The following GRIK3 variants were observed in gnomAD, a reference collection of about 807,000 sequenced individuals.
The protein encoded by GRIK3 is glutamate receptor ionotropic, kainate 3.
Under a neutral mutation model 102.5 loss-of-function variants are expected in GRIK3, and 29 were observed. The ratio of observed to expected loss-of-function variants is 0.28; its 90% confidence interval spans 0.21 to 0.39. The LOEUF (loss-of-function observed/expected upper bound fraction) is 0.39. GRIK3 is among the 10% of genes least tolerant of loss of function. The pLI is 1.00. For synonymous variants in GRIK3, 511 were observed against 504.9 expected, an observed-to-expected ratio of 1.01 and a Z score of -0.16; for missense variants, 908 against 1,252.4, an observed-to-expected ratio of 0.73 and a Z score of 4.15.
intron 4 of GRIK3, among the ~76,000 whole-genome samples, chr1:36,871,872 G>A (rs530951298): frequency 2.6e-5 from 4 of 152,234 alleles, no homozygotes; most frequent in South Asian, 2.1e-4. Flanking sequence ...GGTACCTCCC[G>A]GCAGCCTCTG....
chr1:36,906,052 T>C (rs1042495139), intron 1 of GRIK3, among the ~76,000 whole-genome samples: 4 of 152,188 alleles, frequency 2.6e-5, no homozygotes, highest in African/African-American at 7.2e-5. Flanking sequence ...TCTTATCCTA[T>C]ATAAAACAGC....
intron 1 of GRIK3, among the ~76,000 whole-genome samples, chr1:36,977,029 T>C (rs1570840008): frequency 6.6e-6 from 1 of 151,952 alleles, no homozygotes; most frequent in African/African-American, 2.4e-5. Context: ...GCTTGGTCAC[T>C]CCCTCCAGAG....
At chr1:36,824,514 C>T (rs113546742) in intron 11 of GRIK3, among the ~76,000 whole-genome samples, 15 of 152,056 alleles carry the variant, frequency 9.9e-5, no homozygotes, top group Admixed American at 2.6e-4. Flanking sequence ...TCTCTCACAG[C>T]GTGGGAGGAG....
chr1:36,975,914 A>G (rs1642191233), intron 1 of GRIK3, among the ~76,000 whole-genome samples: 1 of 152,250 alleles, frequency 6.6e-6, no homozygotes, highest in African/African-American at 2.4e-5. Context: ...AGTGTTAATA[A>G]ACAAGTGCTA....
At chr1:36,932,043 C>A (rs1357760950) in intron 1 of GRIK3, among the ~76,000 whole-genome samples, 1 of 152,120 alleles carries the variant, frequency 6.6e-6, no homozygotes. Context: ...GGATTCATTA[C>A]CCTCTCCCCT....
In GRIK3 at chr1:36,819,952, A is replaced by C. The variant is rs1052231615; in HGVS notation, c.1755-98T>G. 4.3e-6 allele frequency: 3 copies of C among 698,582 alleles called. No individual in the cohort carries two copies. Among genetic ancestry groups the C allele is most frequent in the Non-Finnish European group, 7.9e-6 (3 of 377,656 alleles). 43.3% of individuals were successfully genotyped at this position (698,582 alleles called of 1,614,324 possible). ...CAAACACAGCTGTGCCAGCCGCCTC[A>C]GCGTCAATATCCTCATGGTTCTGCT... On this transcript the variant is annotated intron_variant, in intron 11 of 15. Transcript: ENST00000373091. The surrounding 1 kb of genome is among the most constrained non-coding windows in gnomAD (Gnocchi z 4.1).
At chr1:36,822,113 G>T (rs1422969398) in intron 11 of GRIK3, among the ~76,000 whole-genome samples, 1 of 152,196 alleles carries the variant, frequency 6.6e-6, no homozygotes. Context: ...TCCAGCTGTG[G>T]TGCACTCTGC....
chr1:36,928,714 A>T (rs565912924), intron 1 of GRIK3, among the ~76,000 whole-genome samples: 2 of 151,878 alleles, frequency 1.3e-5, no homozygotes, highest in African/African-American at 4.8e-5. Flanking sequence ...GTGGCAAAAG[A>T]AAAAAAAATC....
At chr1:36,986,577 T>C (rs1642309722) in intron 1 of GRIK3, among the ~76,000 whole-genome samples, 1 of 152,160 alleles carries the variant, frequency 6.6e-6, no homozygotes, top group Non-Finnish European at 1.5e-5. Flanking sequence ...AAGAGATGAA[T>C]AGGAACAATC....
chr1:37,007,037 G>A (rs1390270553), intron 1 of GRIK3, among the ~76,000 whole-genome samples: 1 of 152,192 alleles, frequency 6.6e-6, no homozygotes, highest in African/African-American at 2.4e-5. Flanking sequence ...CTCTTAGATG[G>A]GAATGGAGGC....
At chr1:37,019,642 T>C (rs75310673) in intron 1 of GRIK3, among the ~76,000 whole-genome samples, 11 of 152,308 alleles carry the variant, frequency 7.2e-5, no homozygotes, top group Non-Finnish European at 1.5e-4. Context: ...CCTGACCCTA[T>C]GTACTCTGCA....
intron 1 of GRIK3, among the ~76,000 whole-genome samples, chr1:37,003,417 C>T (rs1642499627): frequency 6.6e-6 from 1 of 150,512 alleles, no homozygotes; most frequent in African/African-American, 2.4e-5. Flanking sequence ...CCAGGTCAAT[C>T]CCATATTTCA....
intron 1 of GRIK3, among the ~76,000 whole-genome samples, chr1:36,961,564 G>T (rs1642009727): frequency 6.6e-6 from 1 of 152,202 alleles, no homozygotes; most frequent in South Asian, 2.1e-4. Flanking sequence ...CCCTGGGGGA[G>T]CCCCTTCCCT....
chr1:36,919,880 G>T (rs1641447827), intron 1 of GRIK3, among the ~76,000 whole-genome samples: 1 of 152,244 alleles, frequency 6.6e-6, no homozygotes, highest in Non-Finnish European at 1.5e-5. Context: ...GGTGCATGGT[G>T]TGGGGGAAGA....
chr1:37,008,281 T>C (rs1428486608), intron 1 of GRIK3, among the ~76,000 whole-genome samples: 1 of 152,186 alleles, frequency 6.6e-6, no homozygotes, highest in African/African-American at 2.4e-5. Flanking sequence ...GGCAAGTTTC[T>C]TCATCTGCTG....
chr1:37,010,139 G>A (rs1642578716), intron 1 of GRIK3, among the ~76,000 whole-genome samples: 1 of 152,162 alleles, frequency 6.6e-6, no homozygotes, highest in Non-Finnish European at 1.5e-5. Flanking sequence ...CCACAGATGT[G>A]AATTTGAGTT....
At chr1:37,009,275 T>C (rs1642564262) in intron 1 of GRIK3, among the ~76,000 whole-genome samples, 1 of 152,156 alleles carries the variant, frequency 6.6e-6, no homozygotes, top group Non-Finnish European at 1.5e-5. Flanking sequence ...GATTATGGTA[T>C]GATGTAGGAC....
intron 1 of GRIK3, among the ~76,000 whole-genome samples, chr1:36,899,111 G>A (rs1641204900): frequency 6.6e-6 from 1 of 152,124 alleles, no homozygotes; most frequent in African/African-American, 2.4e-5. Context: ...GGCTTCATGA[G>A]ATTGAATTTG....
At chr1:36,986,465 C>CCAT (rs1642307457) in intron 1 of GRIK3, among the ~76,000 whole-genome samples, 5 of 115,248 alleles carry the variant, frequency 4.3e-5, no homozygotes, top group South Asian at 3.2e-4. Context: ...CATCCATCAG[C>CCAT]CCATCCATCC....
Sources: allele counts gnomAD v4.1 joint callset (sites outside exome capture counted in the v4.1 genomes callset), GRCh38; gene constraint gnomAD v4.1.1; non-coding constraint Gnocchi (gnomAD v3.1); transcripts MANE v1.5; gene names NCBI Gene and HGNC (gene_info 2026-07-23, HGNC 2026-07-21).